NPSR1: variants seen among roughly 807,000 people sequenced by gnomAD.
The protein encoded by NPSR1 is neuropeptide S receptor 1, also known as neuropeptide S receptor.
A neutral mutation model predicts 46.9 loss-of-function variants in NPSR1; 48 were observed. The observed-to-expected ratio is 1.02, with a 90% CI of 0.81 to 1.30. NPSR1 has a LOEUF of 1.30. NPSR1 is among the 50% of genes most tolerant of loss of function. NPSR1 has a pLI of 0.00. For missense variants in NPSR1, 450 were observed against 449.5 expected, an observed-to-expected ratio of 1.00 and a Z score of -0.01; for synonymous variants, 176 against 168.1, an observed-to-expected ratio of 1.05 and a Z score of -0.36.
chr7:34,702,360 A>AT (rs1326554031), intron 2 of NPSR1, among the ~76,000 whole-genome samples: 2 of 152,150 alleles, frequency 1.3e-5, no homozygotes, highest in South Asian at 2.1e-4. Flanking sequence ...ATTTATTATT[A>AT]TTTTTTTAAC....
intron 2 of NPSR1, chr7:34,768,196 A>T (rs186338135): frequency 1.3e-5 from 2 of 152,280 alleles, no homozygotes; most frequent in Non-Finnish European, 2.9e-5. Context: ...TATCTGAAGC[A>T]ATTAAAGCCA....
chr7:34,751,856 A>G (rs1785553620), intron 2 of NPSR1: 1 of 1,578,822 alleles, frequency 6.3e-7, no homozygotes, highest in Non-Finnish European at 8.7e-7. Flanking sequence ...ACCTCTTTGA[A>G]TGGGATCCAG....
intron 2 of NPSR1, among the ~76,000 whole-genome samples, chr7:34,745,556 T>C (rs1449652222): frequency 6.6e-6 from 1 of 152,220 alleles, no homozygotes; most frequent in East Asian, 1.9e-4. Flanking sequence ...TTTTGCTCTG[T>C]CACCAGGGCT....
chr7:34,843,238 C>CT (rs1408008493), intron 6 of NPSR1, among the ~76,000 whole-genome samples: 1 of 152,162 alleles, frequency 6.6e-6, no homozygotes, highest in East Asian at 1.9e-4. Context: ...ATTTATTTGG[C>CT]TTATGGTTCT....
At chr7:34,853,871 C>G (rs1188482345), downstream of NPSR1, among the ~76,000 whole-genome samples, 2 of 151,640 alleles carry the variant, frequency 1.3e-5, no homozygotes, top group Non-Finnish European at 2.9e-5. Context: ...GAGGCTGAGG[C>G]AGGAGAATCA....
chr7:34,857,761 GC>G (rs2128767244), intron 8 of NPSR1, among the ~76,000 whole-genome samples: 1 of 151,158 alleles, frequency 6.6e-6, no homozygotes, highest in Non-Finnish European at 1.5e-5. Context: ...GAAAAGACAA[GC>G]TATAGAATGG....
intron 2 of NPSR1, among the ~76,000 whole-genome samples, chr7:34,686,722 C>T (rs1353664202): frequency 6.6e-6 from 1 of 152,044 alleles, no homozygotes; most frequent in Non-Finnish European, 1.5e-5. Flanking sequence ...CCTAACGAGG[C>T]ACTCAAAGCA....
At chr7:34,834,603 A>G in intron 6 of NPSR1, 143 bp downstream of exon 6, 1 of 660,390 alleles carries the variant, frequency 1.5e-6, no homozygotes, top group Non-Finnish European at 2.7e-6. Flanking sequence ...AGACCCACCA[A>G]AGGCTGTCAC....
At chr7:34,850,703 C>T (rs1225266504), downstream of NPSR1, among the ~76,000 whole-genome samples, 2 of 152,034 alleles carry the variant, frequency 1.3e-5, no homozygotes, top group Admixed American at 6.5e-5. Context: ...CCCGGCCTGT[C>T]CTTGAGGCTT....
chr7:34,739,012 G>C (rs1432485449), intron 2 of NPSR1, among the ~76,000 whole-genome samples: 1 of 152,042 alleles, frequency 6.6e-6, no homozygotes, highest in Non-Finnish European at 1.5e-5. Flanking sequence ...TTTGTTTCTG[G>C]CTTCTTTCAC....
At chr7:34,742,121 TA>T (rs1359240908) in intron 2 of NPSR1, among the ~76,000 whole-genome samples, 1 of 152,218 alleles carries the variant, frequency 6.6e-6, no homozygotes, top group Non-Finnish European at 1.5e-5. Flanking sequence ...AAGGATTTTT[TA>T]GTTTCATCAT....
chr7:34,715,178 G>C (rs1335494026), intron 2 of NPSR1, among the ~76,000 whole-genome samples: 1 of 152,182 alleles, frequency 6.6e-6, no homozygotes, highest in Non-Finnish European at 1.5e-5. Flanking sequence ...TCATAATTTA[G>C]GTTGCTTGAA....
At chr7:34,871,774 G>A (rs1833091) in intron 8 of NPSR1, among the ~76,000 whole-genome samples, 33,581 of 151,818 alleles carry the variant, frequency 0.22, 4,251 homozygotes, top group South Asian at 0.46. Flanking sequence ...TTCATGTCCC[G>A]CACCCTGGTA....
intron 1 of NPSR1, among the ~76,000 whole-genome samples, chr7:34,681,443 T>A (rs1325034193): frequency 6.6e-6 from 1 of 152,196 alleles, no homozygotes; most frequent in African/African-American, 2.4e-5. Context: ...TGTTGCAACA[T>A]CAGGCAACTA....
chr7:34,678,287 T>A lies in NPSR1; in HGVS notation c.148-6265T>A, dbSNP rs183849528. Among the ~76,000 whole-genome samples, 153 of 144,138 alleles carry A rather than the reference T, an allele frequency of 1.1e-3. 1 individual carries two copies. The highest frequency in any genetic ancestry group is 3.7e-3 in the African/African-American group (143 of 39,108). The allele number at this position is 144,138 out of a possible 152,430, so 94.6% of individuals were successfully genotyped here. ...TCCAGGCTGGAGTGCAGTGGCGCCA[T>A]CTCAGCTCACTGCAACCTCCGCCTC... On this transcript the variant is annotated intron_variant, in intron 1 of 8. Coordinates refer to ENST00000360581, the MANE Select transcript of NPSR1 (RefSeq NM_207172.2).
At chr7:34,747,609 G>GAC (rs954565479) in intron 2 of NPSR1, among the ~76,000 whole-genome samples, 3 of 147,054 alleles carry the variant, frequency 2.0e-5, no homozygotes, top group African/African-American at 5.0e-5. Flanking sequence ...AGGCATCTTA[G>GAC]ACACACACAC....
chr7:34,778,768 C>A (rs1271964405), intron 3 of NPSR1, among the ~76,000 whole-genome samples: 2 of 152,104 alleles, frequency 1.3e-5, no homozygotes, highest in African/African-American at 4.8e-5. Context: ...CACAAACGAG[C>A]CACAAATGAG....
At chr7:34,870,686 C>T (rs1311734795) in intron 8 of NPSR1, among the ~76,000 whole-genome samples, 1 of 151,732 alleles carries the variant, frequency 6.6e-6, no homozygotes, top group Non-Finnish European at 1.5e-5. Flanking sequence ...TGAATTTGCT[C>T]AGAATAAGGA....
chr7:34,740,744 G>A (rs1470191218), intron 2 of NPSR1, among the ~76,000 whole-genome samples: 4 of 152,198 alleles, frequency 2.6e-5, no homozygotes, highest in Non-Finnish European at 4.4e-5. Context: ...GGCACTCACA[G>A]GATTTGGGGT....
Sources: allele counts gnomAD v4.1 joint callset (sites outside exome capture counted in the v4.1 genomes callset), GRCh38; gene constraint gnomAD v4.1.1; transcripts MANE v1.5; gene names NCBI Gene and HGNC (gene_info 2026-07-23, HGNC 2026-07-21).